ART3: variants seen among roughly 807,000 people sequenced by gnomAD.
The protein encoded by ART3 is ecto-ADP-ribosyltransferase 3.
Under a neutral mutation model 48.5 loss-of-function variants are expected in ART3, and 49 were observed. That is an observed-to-expected ratio of 1.01 (90% CI 0.80 to 1.28). ART3 has a LOEUF of 1.28. Ranked by LOEUF, ART3 falls within the 50% of genes most tolerant of loss-of-function variation. ART3 has a pLI of 0.00. For synonymous variants in ART3, 145 were observed against 157.2 expected (o/e 0.92, Z 0.58); for missense variants, 438 against 454.3 (o/e 0.96, Z 0.33).
intron 1 of ART3, among the ~76,000 whole-genome samples, chr4:76,068,740 C>T (rs1040615044): frequency 2.6e-5 from 4 of 152,084 alleles, no homozygotes; most frequent in Non-Finnish European, 5.9e-5. Context: ...CCCTCTGACA[C>T]GAGTTTACCT....
chr4:76,024,173 T>C lies in ART3; in HGVS notation c.-10+12853T>C, dbSNP rs534404344. On this transcript the variant is annotated intron_variant, in intron 1 of 9. Transcript: ENST00000341029. ...GTGTTAAAACAAGTTTCACGTCTTA[T>C]AGCAGTCCCTGAATGAAAACATCAT... Among the ~76,000 whole-genome samples the C allele has an allele frequency of 4.6e-5, 7 of 152,316 alleles. 1 individual carries two copies. The highest frequency in any genetic ancestry group is 1.9e-4 in the East Asian group (1 of 5,192).
intron 1 of ART3, among the ~76,000 whole-genome samples, chr4:76,069,386 C>CTTTG (rs59498066): frequency 2.7e-5 from 3 of 110,162 alleles, no homozygotes; most frequent in African/African-American, 1.0e-4. Flanking sequence ...TACTTAATTC[C>CTTTG]TTTTTTTTTT....
chr4:76,046,126 C>T (rs35786143), intron 1 of ART3, among the ~76,000 whole-genome samples: 92,957 of 151,110 alleles, frequency 0.62, 29,894 homozygotes, highest in East Asian at 0.94. Flanking sequence ...GGCCTAGATC[C>T]TGGGCCAGTG....
intron 1 of ART3, among the ~76,000 whole-genome samples, chr4:76,049,400 G>A (rs1226107853): frequency 6.6e-6 from 1 of 151,836 alleles, no homozygotes; most frequent in African/African-American, 2.4e-5. Flanking sequence ...CATGGCCGCA[G>A]GGTCAGCCAA....
Position 76,081,735 on chromosome 4 carries a change from G to A in ART3, c.70-89G>A, listed in dbSNP as rs1722521723. On this transcript the variant is annotated intron_variant, in intron 2 of 11. Coordinates refer to ENST00000355810, the MANE Select transcript of ART3 (RefSeq NM_001130016.3). ...TAAGTCAGGCGAGAATTTTGGCAAG[G>A]GATGAGAAGGTGGGGGTAATAATGT... 3.6e-6 allele frequency: 5 copies of A among 1,384,424 alleles called. No individual in the cohort carries two copies. The South Asian group carries it at 5.6e-5, about 15-fold the overall frequency. 85.8% of individuals were successfully genotyped at this position (1,384,424 alleles called of 1,614,324 possible).
At chr4:76,054,701 G>A (rs1469621180) in intron 1 of ART3, among the ~76,000 whole-genome samples, 1 of 152,040 alleles carries the variant, frequency 6.6e-6, no homozygotes, top group East Asian at 1.9e-4. Context: ...GGTTGTGCTG[G>A]TGTGCACCTG....
chr4:76,041,282 T>C (rs1320785745), intron 1 of ART3: 2 of 152,244 alleles, frequency 1.3e-5, no homozygotes, highest in African/African-American at 2.4e-5. Flanking sequence ...TTACCTTCTT[T>C]CACAGCATCC....
intron 1 of ART3, chr4:76,023,460 T>C (rs1733076954): frequency 5.6e-6 from 9 of 1,601,252 alleles, no homozygotes; most frequent in Non-Finnish European, 7.7e-6. Context: ...TCCTCTGCTG[T>C]AGGCTCAGAA....
chr4:76,095,458 A>C (rs1477503464), intron 3 of ART3, among the ~76,000 whole-genome samples: 1 of 152,218 alleles, frequency 6.6e-6, no homozygotes, highest in African/African-American at 2.4e-5. Flanking sequence ...CAGTGAGCCG[A>C]GATCGTGCCA....
At chr4:76,079,005 C>T (rs537661496) in intron 2 of ART3, among the ~76,000 whole-genome samples, 23 of 152,166 alleles carry the variant, frequency 1.5e-4, no homozygotes, top group Admixed American at 2.6e-4. Context: ...GGCGTGAACC[C>T]GGCAGGCGGA....
intron 1 of ART3, among the ~76,000 whole-genome samples, chr4:76,017,713 C>A (rs972788696): frequency 2.6e-5 from 4 of 152,176 alleles, no homozygotes; most frequent in African/African-American, 7.2e-5. Flanking sequence ...ATTTAGGACC[C>A]CAGAGCACTT....
At chr4:76,039,452 G>C (rs569699327) in intron 1 of ART3, among the ~76,000 whole-genome samples, 2 of 152,096 alleles carry the variant, frequency 1.3e-5, no homozygotes, top group African/African-American at 4.8e-5. Context: ...TCCTGAATTG[G>C]CATACCACAT....
chr4:76,055,583 C>T (rs903962891), intron 1 of ART3, among the ~76,000 whole-genome samples: 4 of 152,126 alleles, frequency 2.6e-5, no homozygotes, highest in African/African-American at 9.7e-5. Context: ...AAAGGTCTGA[C>T]AATGTAATTC....
At chr4:76,026,854 A>G (rs1212733730) in intron 1 of ART3, among the ~76,000 whole-genome samples, 1 of 152,178 alleles carries the variant, frequency 6.6e-6, no homozygotes, top group Non-Finnish European at 1.5e-5. Context: ...GAACTAAGCT[A>G]ATCTCAGGGA....
chr4:76,080,369 A>G (rs540041236), intron 2 of ART3, among the ~76,000 whole-genome samples: 1 of 152,320 alleles, frequency 6.6e-6, no homozygotes, highest in South Asian at 2.1e-4. Context: ...TTATGAAAAA[A>G]TAATAATAAC....
chr4:76,083,189 C>T (rs1320913909), intron 3 of ART3, among the ~76,000 whole-genome samples: 3 of 151,962 alleles, frequency 2.0e-5, no homozygotes, highest in African/African-American at 4.8e-5. Flanking sequence ...AGAGCAAGAC[C>T]CTGTCTCAAA....
intron 1 of ART3, chr4:76,021,812 C>T (rs768874782): frequency 2.0e-6 from 2 of 1,023,456 alleles, no homozygotes; most frequent in Non-Finnish European, 3.1e-6. Flanking sequence ...TTTAGTGTAA[C>T]TGCAAACTAA....
At chr4:76,017,517 G>A (rs1732378148) in intron 1 of ART3, among the ~76,000 whole-genome samples, 1 of 151,418 alleles carries the variant, frequency 6.6e-6, no homozygotes, top group African/African-American at 2.4e-5. Flanking sequence ...TTTTATTGCT[G>A]TGAGCTGTGT....
chr4:76,038,220 TAC>T (rs1245823952), intron 1 of ART3, among the ~76,000 whole-genome samples: 5 of 152,210 alleles, frequency 3.3e-5, no homozygotes, highest in African/African-American at 9.7e-5. Flanking sequence ...AGAGAGAGAC[TAC>T]ACAGTCACTT....
Sources: gnomAD v4.1 joint callset for allele counts (sites outside exome capture counted in the v4.1 genomes callset) on GRCh38, gnomAD v4.1.1 for gene constraint, MANE v1.5 for transcripts, NCBI Gene and HGNC (gene_info 2026-07-23, HGNC 2026-07-21) for gene names.